The following CARD6 variants were observed in gnomAD, a reference collection of about 807,000 sequenced individuals.
The protein encoded by CARD6 is caspase recruitment domain-containing protein 6.
CARD6 carries 27 observed loss-of-function variants against 23.6 expected under a neutral mutation model. That is an observed-to-expected ratio of 1.14 (90% CI 0.84 to 1.58). CARD6 has a LOEUF of 1.58. Among genes scored for constraint, CARD6 ranks in the 40% most tolerant of loss-of-function variants. The pLI, the probability that CARD6 is intolerant of heterozygous loss-of-function variation, is 0.00. For synonymous variants in CARD6, 397 were observed against 431.8 expected (o/e 0.92, Z 1.00); for missense variants, 1,214 against 1,209.9 (o/e 1.00, Z -0.05).
chr5:40,848,945 G>A (rs1038744851), intron 2 of CARD6, among the ~76,000 whole-genome samples: 8 of 152,080 alleles, frequency 5.3e-5, no homozygotes, highest in Non-Finnish European at 1.2e-4. Flanking sequence ...GCTTTGATCT[G>A]CTCCATAGTG....
intron 2 of CARD6, among the ~76,000 whole-genome samples, chr5:40,846,569 G>A (rs1348869763): frequency 6.6e-6 from 1 of 152,104 alleles, no homozygotes; most frequent in African/African-American, 2.4e-5. Context: ...GGAGGGTCAT[G>A]CTCCCTCTGG....
rs1292671205 is a variant in CARD6, at chr5:40,854,101, G to A, written c.2769G>A (p.Gly923=). 6.2e-7 allele frequency: 1 copy of A among 1,614,120 alleles called. No homozygotes were observed. The highest frequency in any genetic ancestry group is 8.5e-7 in the Non-Finnish European group (1 of 1,180,024). ...GAGTCCAGATGAAGACACAAGGTGGGGCTTCAAATCCAGCTCTCCAAATAG... is the reference window on the plus strand; with the variant it reads ...GAGTCCAGATGAAGACACAAGGTGGAGCTTCAAATCCAGCTCTCCAAATAG... ...QQGVQMKTQG[G]ASNPALQIGS... Residue 923 remains glycine (G), a synonymous_variant, in exon 3 of 3, where the codon GGG becomes GGA. Coordinates refer to ENST00000254691, the MANE Select transcript of CARD6 (RefSeq NM_032587.4).
chr5:40,852,694 C>CA lies in CARD6; in HGVS notation c.1363dup (p.Ile455AsnfsTer10). 1 of 1,614,094 alleles carries CA rather than the reference C, an allele frequency of 6.2e-7. No homozygotes were observed. The highest frequency in any genetic ancestry group is 8.5e-7 in the Non-Finnish European group (1 of 1,180,000). On this transcript the variant is annotated frameshift_variant, in exon 3 of 3. Coordinates refer to ENST00000254691, the MANE Select transcript of CARD6 (RefSeq NM_032587.4). LOFTEE classifies it low-confidence loss of function (END_TRUNC). ...TTCTGACTCTCATGAAGATGCCTGT[C>CA]ATCTCTTTTGTGCGTCTAGGATACT...
chr5:40,844,868 C>CTTTTTTT (rs761641223), intron 2 of CARD6, among the ~76,000 whole-genome samples: 17 of 134,506 alleles, frequency 1.3e-4, no homozygotes, highest in African/African-American at 4.1e-4. Context: ...TTGCTTCCTT[C>CTTTTTTT]TTTTTTTTTT....
In CARD6 at chr5:40,843,484, T is replaced by C. The variant is rs1370616669; in HGVS notation, c.616T>C (p.Ser206Pro). ...ACAGAGATATGAGGAGCTAGATGAT[T>C]CTTTATACTTAGGAAAAGAGGAATA... is the stretch of plus-strand genomic sequence containing the variant. ...DGQRYEELDD[S>P]LYLGKEEYLG... Residue 206 changes from serine to proline, a missense_variant, in exon 2 of 3, where the codon TCT becomes CCT. Ser to Pro is a moderately conservative substitution (Grantham distance 74). Transcript: ENST00000254691. 1 of 1,609,772 alleles carries C rather than the reference T, an allele frequency of 6.2e-7. No individual in the cohort carries two copies. Among genetic ancestry groups the C allele is most frequent in the Admixed American group, 1.7e-5 (1 of 58,884 alleles).
Position 40,853,168 on chromosome 5 carries a change from G to C in CARD6, c.1836G>C (p.Arg612Ser). 6.2e-7 allele frequency: 1 copy of C among 1,614,162 alleles called. No individual in the cohort carries two copies. Residue 612 changes from arginine to serine, a missense_variant, in exon 3 of 3, where the codon AGG becomes AGC. Transcript: ENST00000254691. ...LKPAQLLFWERGDAGDRRKNM... is the reference protein window; with the variant it reads ...LKPAQLLFWESGDAGDRRKNM... ...CAGCACAGCTACTGTTTTGGGAGAGGGGAGATGCTGGGGATAGAAGGAAGA... is the reference window on the plus strand; with the variant it reads ...CAGCACAGCTACTGTTTTGGGAGAGCGGAGATGCTGGGGATAGAAGGAAGA...
chr5:40,847,949 G>A (rs1745992867), intron 2 of CARD6, among the ~76,000 whole-genome samples: 1 of 151,628 alleles, frequency 6.6e-6, no homozygotes, highest in South Asian at 2.1e-4. Context: ...TCGAGTACAT[G>A]AATTTTAGAG....
chr5:40,852,057 T>A (rs140319498), intron 2 of CARD6, 117 bp from the exon 3 acceptor site: 392 of 652,240 alleles, frequency 6.0e-4, no homozygotes, highest in Middle Eastern at 3.4e-3. Context: ...CCCAGGGTGA[T>A]GATCATGCCC....
In CARD6 at chr5:40,852,398, G is replaced by C; in HGVS notation, c.1066G>C (p.Glu356Gln). The change falls in exon 3 of 3, where the codon GAG becomes CAG. Residue 356 changes from glutamate to glutamine, a missense_variant. Glu to Gln is a conservative substitution (Grantham distance 29). Transcript: ENST00000254691. Reference sequence around the variant, plus strand: ...CAAGGTTCTGGATGAAGATAGCAAGGAGGATTTGCTGGCTGGAGTGGAGAA... The same window carrying C: ...CAAGGTTCTGGATGAAGATAGCAAGCAGGATTTGCTGGCTGGAGTGGAGAA... ...SHKVLDEDSK[E>Q]DLLAGVENLE... The C allele has an allele frequency of 3.1e-6, 5 of 1,614,102 alleles. No homozygotes were observed. The highest frequency in any genetic ancestry group is 4.2e-6 in the Non-Finnish European group (5 of 1,179,980).
At chr5:40,842,768 T>C (rs1460503789) in intron 1 of CARD6, among the ~76,000 whole-genome samples, 1 of 152,190 alleles carries the variant, frequency 6.6e-6, no homozygotes, top group African/African-American at 2.4e-5. Context: ...CTGGGCGCTG[T>C]GGCTCACACC....
chr5:40,841,496 G>T lies in CARD6; in HGVS notation c.114G>T (p.Leu38=), dbSNP rs1225280077. 1.9e-6 allele frequency: 3 copies of T among 1,613,962 alleles called. No individual in the cohort carries two copies. The African/African-American group carries it at 4.0e-5, about 22-fold the overall frequency. The part of the protein sequence containing the change: ...SILDTLTSRR[L]ISEEEYETLE... Reference sequence around the variant, plus strand: ...TAGACACGTTAACTTCTCGGAGGCTGATTTCTGAGGAAGAGTATGAGACTC... The same window carrying T: ...TAGACACGTTAACTTCTCGGAGGCTTATTTCTGAGGAAGAGTATGAGACTC... The change falls in exon 1 of 3, where the codon CTG becomes CTT. Residue 38 remains leucine, a synonymous_variant. Transcript: ENST00000254691.
Position 40,854,390 on chromosome 5 carries a change from T to C in CARD6, c.3058T>C (p.Ser1020Pro). ...PQPKSSSTNPSQAKAHHSKAG... is the reference protein window; with the variant it reads ...PQPKSSSTNPPQAKAHHSKAG... Reference sequence around the variant, plus strand: ...ACCTAAGTCATCCTCAACCAATCCTTCACAAGCTAAGGCACACCACTCAAA... The same window carrying C: ...ACCTAAGTCATCCTCAACCAATCCTCCACAAGCTAAGGCACACCACTCAAA... The change falls in exon 3 of 3, where the codon TCA becomes CCA. Residue 1020 changes from serine to proline, a missense_variant. Coordinates refer to ENST00000254691, the MANE Select transcript of CARD6 (RefSeq NM_032587.4). 1.2e-6 allele frequency: 2 copies of C among 1,613,888 alleles called. No individual in the cohort carries two copies. Among genetic ancestry groups the C allele is most frequent in the Non-Finnish European group, 1.7e-6 (2 of 1,179,958 alleles).
At chr5:40,844,369 C>T (rs972628386) in intron 2 of CARD6, among the ~76,000 whole-genome samples, 17 of 152,076 alleles carry the variant, frequency 1.1e-4, no homozygotes, top group African/African-American at 4.1e-4. Context: ...GAGTAGCTAG[C>T]ATTACAGGTG....
chr5:40,851,645 A>G (rs955771782), intron 2 of CARD6, among the ~76,000 whole-genome samples: 1 of 151,982 alleles, frequency 6.6e-6, no homozygotes, highest in Non-Finnish European at 1.5e-5. Context: ...GTGAAATCCC[A>G]TCTCTACTAA....
At chr5:40,851,185 C>T (rs188992872) in intron 2 of CARD6, among the ~76,000 whole-genome samples, 9 of 151,996 alleles carry the variant, frequency 5.9e-5, no homozygotes, top group East Asian at 2.0e-4. Context: ...CAAAAATTAG[C>T]TTGGTGTGGT....
In CARD6 at chr5:40,843,615, T is replaced by A. The variant is rs777159429; in HGVS notation, c.747T>A (p.Asn249Lys). ...VGYDGEEDFE[N>K]SETTEFSGEE... ...ATGATGGTGAAGAGGACTTCGAGAA[T>A]TCAGAAACCACAGAGTTCTCTGGTG... The change falls in exon 2 of 3, where the codon AAT becomes AAA. Residue 249 changes from asparagine (N) to lysine (K), a missense_variant. Transcript: ENST00000254691. 6.2e-7 allele frequency: 1 copy of A among 1,603,682 alleles called. No individual in the cohort carries two copies. The highest frequency in any genetic ancestry group is 8.5e-7 in the Non-Finnish European group (1 of 1,177,292).
chr5:40,842,651 A>G (rs1561212486), intron 1 of CARD6, among the ~76,000 whole-genome samples: 1 of 147,822 alleles, frequency 6.8e-6, no homozygotes, highest in Non-Finnish European at 1.5e-5. Context: ...GTGTGATCTG[A>G]TTTTTTTTTT....
In CARD6 at chr5:40,843,197, CA is replaced by C. The variant is rs758272658; in HGVS notation, c.331del (p.Ser111AlafsTer12). 12 of 1,612,796 alleles carry C rather than the reference CA, an allele frequency of 7.4e-6. No individual in the cohort carries two copies. The highest frequency in any genetic ancestry group is 1.0e-5 in the Non-Finnish European group (12 of 1,179,638). ...ACAGTACCTCCTCAATCTATGGGGGCAAGCAGTAATTCAGAAGATGCTTTTT... is the reference window on the plus strand; with the variant it reads ...ACAGTACCTCCTCAATCTATGGGGGCAGCAGTAATTCAGAAGATGCTTTTT... ...ENTVPPQSMG[A>X]SSNSEDAFSP... On this transcript the variant is annotated frameshift_variant, in exon 2 of 3. Transcript: ENST00000254691. LOFTEE classifies it high-confidence loss of function.
In CARD6 at chr5:40,853,077, T is replaced by C; in HGVS notation, c.1745T>C (p.Val582Ala). 6.2e-7 allele frequency: 1 copy of C among 1,614,202 alleles called. No individual in the cohort carries two copies. Among genetic ancestry groups the C allele is most frequent in the Non-Finnish European group, 8.5e-7 (1 of 1,180,026 alleles). ...GEAAIERCYF[V>A]LSSQARESEE... The stretch of plus-strand genomic sequence containing the variant: ...GCTGCCATTGAAAGATGCTACTTTG[T>C]TCTCAGTTCCCAAGCCAGGGAGAGT... Residue 582 changes from valine to alanine, a missense_variant, in exon 3 of 3, where the codon GTT becomes GCT. Coordinates refer to ENST00000254691, the MANE Select transcript of CARD6 (RefSeq NM_032587.4).
Sources: gnomAD v4.1 joint callset for allele counts (sites outside exome capture counted in the v4.1 genomes callset) on GRCh38, gnomAD v4.1.1 for gene constraint, MANE v1.5 for transcripts, NCBI Gene and HGNC (gene_info 2026-07-23, HGNC 2026-07-21) for gene names.